Variants in FBN3 observed in about 807,000 individuals in gnomAD.
FBN3 encodes the protein fibrillin-3.
In FBN3, 234 loss-of-function variants were observed where a neutral mutation model predicts 330.1. The ratio of observed to expected loss-of-function variants is 0.71; its 90% CI spans 0.64 to 0.79. The LOEUF is 0.79. Ranked by LOEUF, FBN3 falls within the 30% of genes least tolerant of loss-of-function variation. The pLI, the probability that FBN3 is intolerant of heterozygous loss-of-function variation, is 0.00. For missense variants in FBN3, 3,606 were observed against 3,886.9 expected (o/e 0.93, Z 1.92); for synonymous variants, 1,458 against 1,517.3 (o/e 0.96, Z 0.91).
intron 57 of FBN3, among the ~76,000 whole-genome samples, chr19:8,081,777 G>C (rs1327476700): frequency 6.6e-6 from 1 of 152,152 alleles, no homozygotes; most frequent in Non-Finnish European, 1.5e-5. Flanking sequence ...CAAATGGAGG[G>C]CCAGACTTGA....
intron 10 of FBN3, among the ~76,000 whole-genome samples, chr19:8,137,828 A>G (rs1037209647): frequency 1.3e-5 from 2 of 152,054 alleles, no homozygotes; most frequent in East Asian, 1.9e-4. Flanking sequence ...GGGTCTTGCT[A>G]TGTCACCCAG....
At chr19:8,136,702 A>C (rs2083288935) in intron 10 of FBN3, among the ~76,000 whole-genome samples, 171 bp from the exon 11 acceptor site, 1 of 152,108 alleles carries the variant, frequency 6.6e-6, no homozygotes, top group Admixed American at 6.5e-5. Context: ...CAGAACTCCA[A>C]CCTGGGATCT....
Position 8,123,817 on chromosome 19 carries a change from G to A in FBN3, c.2923C>T (p.Arg975Trp), listed in dbSNP as rs376727553. The A allele has an allele frequency of 2.9e-5, 46 of 1,612,908 alleles. No individual in the cohort carries two copies. The East Asian group carries it at 4.7e-4, about 16-fold the overall frequency. The change falls in exon 23 of 64, where the codon CGG becomes TGG. Residue 975 changes from arginine to tryptophan, a missense_variant. Coordinates refer to ENST00000600128, the MANE Select transcript of FBN3 (RefSeq NM_032447.5). ...AATGGTCGGCCAGACAGGAAGTCCC[G>A]GCTGGCGAAGCCCAGCCCCCGCGGG... ...LCPRGLGFAS[R>W]DFLSGRPFYK...
In FBN3 at chr19:8,145,855, C is replaced by T. The variant is rs1199851149; in HGVS notation, c.433G>A (p.Val145Met). The T allele has an allele frequency of 5.8e-6, 9 of 1,550,616 alleles. No homozygotes were observed. Among genetic ancestry groups the T allele is most frequent in the Admixed American group, 2.0e-5 (1 of 50,978 alleles). ...CLCQKGYTGT[V>M]CGQPICDRGC... ...TGGGGATACTCACGCTGCCCACACACGGTGCCTGTGTAGCCCTTCTGACAC... is the reference window on the plus strand; with the variant it reads ...TGGGGATACTCACGCTGCCCACACATGGTGCCTGTGTAGCCCTTCTGACAC... Residue 145 changes from valine (V) to methionine (M), a missense_variant, in exon 5 of 64, where the codon GTG becomes ATG. Physicochemically the swap from Val to Met is conservative, Grantham distance 21. Transcript: ENST00000600128.
intron 36 of FBN3, among the ~76,000 whole-genome samples, chr19:8,108,938 C>T (rs2082511454): frequency 6.6e-6 from 1 of 152,098 alleles, no homozygotes; most frequent in Admixed American, 6.6e-5. Flanking sequence ...CTCTGAGTCC[C>T]CAGTCCCCAG....
chr19:8,096,542 T>G lies in FBN3; in HGVS notation c.5441A>C (p.Asn1814Thr). 1 of 1,613,526 alleles carries G rather than the reference T, an allele frequency of 6.2e-7. No homozygotes were observed. Among genetic ancestry groups the G allele is most frequent in the South Asian group, 1.1e-5 (1 of 91,048 alleles). The change falls in exon 44 of 64, where the codon AAT (asparagine) becomes ACT (threonine). Residue 1814 changes from asparagine (N) to threonine (T), a missense_variant. Coordinates refer to ENST00000600128, the MANE Select transcript of FBN3 (RefSeq NM_032447.5). This position sits in a 1 kb window ranked among gnomAD's most constrained non-coding sequence, Gnocchi z 4.6. ...CATGCAGTCACCATGGCTACAGACA[T>G]TCGGGATCTCCCGACACTCATTCCG... Reference protein sequence around the residue: ...VGRNECREIPNVCSHGDCMDT... With the variant: ...VGRNECREIPTVCSHGDCMDT...
intron 62 of FBN3, 97 bp downstream of exon 62, chr19:8,072,966 C>CGTGT (rs60155490): frequency 0.12 from 74,812 of 629,016 alleles, 1,427 homozygotes; most frequent in African/African-American, 0.17. Context: ...CACAAAGCCC[C>CGTGT]GTGTGTGTGT....
At chr19:8,083,192 G>A (rs2081847297) in intron 57 of FBN3, 55 bp downstream of exon 57, 1 of 1,605,160 alleles carries the variant, frequency 6.2e-7, no homozygotes, top group Middle Eastern at 1.7e-4. Flanking sequence ...TTCAGGGGCT[G>A]CACAGAAGGT....
Position 8,121,490 on chromosome 19 carries a change from G to A in FBN3, c.3083-104C>T. ...TTGATGGAGGTGTGGGCTAGAGGAA[G>A]CCCATCTGCAGACATAAGGAGGCAC... is the stretch of plus-strand genomic sequence containing the variant. On this transcript the variant is annotated intron_variant, in intron 24 of 63. Transcript: ENST00000600128. The surrounding 1 kb of genome is among the most constrained non-coding windows in gnomAD (Gnocchi z 4.5). The A allele has an allele frequency of 1.6e-6, 2 of 1,222,452 alleles. No homozygotes were observed. Among genetic ancestry groups the A allele is most frequent in the Middle Eastern group, 2.7e-4 (1 of 3,644 alleles). 75.7% of individuals were successfully genotyped at this position (1,222,452 alleles called of 1,614,324 possible). A position where few individuals can be genotyped will look rare whatever the true frequency, so the allele number is the denominator to read the frequency against.
chr19:8,116,527 G>T, intron 29 of FBN3, 147 bp downstream of exon 29: 1 of 826,400 alleles, frequency 1.2e-6, no homozygotes, highest in Non-Finnish European at 1.9e-6. Context: ...AGCAAGTGCT[G>T]TTACAAAGCC....
intron 14 of FBN3, among the ~76,000 whole-genome samples, chr19:8,132,609 A>G (rs2083174237): frequency 6.6e-6 from 1 of 151,946 alleles, no homozygotes; most frequent in Non-Finnish European, 1.5e-5. Context: ...CTCCTGCCTC[A>G]GCCTCCCAAG....
chr19:8,079,334 T>C (rs2081718621), intron 59 of FBN3, among the ~76,000 whole-genome samples: 1 of 152,182 alleles, frequency 6.6e-6, no homozygotes, highest in Non-Finnish European at 1.5e-5. Flanking sequence ...GGAGAATTGC[T>C]TGAGCCCAGG....
At chr19:8,123,277 C>G (rs1289052134) in intron 24 of FBN3, among the ~76,000 whole-genome samples, 187 bp downstream of exon 24, 2 of 152,004 alleles carry the variant, frequency 1.3e-5, no homozygotes, top group African/African-American at 2.4e-5. Flanking sequence ...TCGCTTGAAC[C>G]TGGGAGGCGG....
In FBN3 at chr19:8,089,756, A is replaced by G. The variant is rs1246327350; in HGVS notation, c.6251-86T>C. On this transcript the variant is annotated intron_variant, in intron 50 of 63. Coordinates refer to ENST00000600128, the MANE Select transcript of FBN3 (RefSeq NM_032447.5). ...CCACACTCAAGGCCCCAAGGGGACA[A>G]AAGCCCAAGCCCCAGGCTGGCAGGG... The G allele has an allele frequency of 1.9e-6, 3 of 1,578,530 alleles. No homozygotes were observed. In the African/African-American group the frequency reaches 4.1e-5, roughly 21 times the overall value.
At chr19:8,147,588 A>G (rs1001139743) in intron 1 of FBN3, 91 bp from the exon 2 acceptor site, 2 of 1,168,760 alleles carry the variant, frequency 1.7e-6, no homozygotes, top group Non-Finnish European at 2.3e-6. Flanking sequence ...GTGGTTGCCA[A>G]ATGGGGCAGC....
chr19:8,145,373 C>CAAAAAAAAAA (rs55926242), intron 5 of FBN3, among the ~76,000 whole-genome samples: 1 of 86,356 alleles, frequency 1.2e-5, no homozygotes, highest in Admixed American at 1.4e-4. Context: ...AACTCCATCT[C>CAAAAAAAAAA]AAAAAAAAAA....
intron 16 of FBN3, among the ~76,000 whole-genome samples, chr19:8,130,804 C>T (rs553971106): frequency 3.5e-4 from 53 of 151,250 alleles, no homozygotes; most frequent in African/African-American, 9.5e-4. Flanking sequence ...TGCAGTGAGC[C>T]GTGATTGCAC....
At chr19:8,130,900 G>C (rs951849124) in intron 16 of FBN3, among the ~76,000 whole-genome samples, 1 of 151,618 alleles carries the variant, frequency 6.6e-6, no homozygotes. Flanking sequence ...CGCATACAGG[G>C]AGAACACCAT....
chr19:8,096,940 C>T lies in FBN3; in HGVS notation c.5354G>A (p.Gly1785Asp). The change falls in exon 43 of 64, where the codon GGT (glycine) becomes GAT (aspartate). Residue 1785 changes from glycine (G) to aspartate (D), a missense_variant. Coordinates refer to ENST00000600128, the MANE Select transcript of FBN3 (RefSeq NM_032447.5). The surrounding 1 kb of genome is among the most constrained non-coding windows in gnomAD (Gnocchi z 4.6). The stretch of plus-strand genomic sequence containing the variant: ...TCGGGTGCACTTGCAGCGGTAGCTA[C>T]CGGGGATGTTGATGCAGTCAGCATT... ...QQNADCINIP[G>D]SYRCKCTRGY... 1 of 1,613,830 alleles carries T rather than the reference C, an allele frequency of 6.2e-7. No individual in the cohort carries two copies. The highest frequency in any genetic ancestry group is 8.5e-7 in the Non-Finnish European group (1 of 1,180,006).
Sources: gnomAD v4.1 joint callset for allele counts (sites outside exome capture counted in the v4.1 genomes callset) on GRCh38, gnomAD v4.1.1 for gene constraint, Gnocchi (gnomAD v3.1) non-coding constraint, MANE v1.5 for transcripts, NCBI Gene and HGNC (gene_info 2026-07-23, HGNC 2026-07-21) for gene names.